ADAMTS12: variants seen among roughly 807,000 people sequenced by gnomAD.
ADAMTS12 encodes ADAM metallopeptidase with thrombospondin type 1 motif 12.
Under a neutral mutation model 167.8 loss-of-function variants are expected in ADAMTS12, and 118 were observed. That is an observed-to-expected ratio of 0.70 (90% confidence interval 0.61 to 0.82). The LOEUF (loss-of-function observed/expected upper bound fraction) is 0.82. ADAMTS12 is among the 40% of genes least tolerant of loss of function. The probability of loss-of-function intolerance (pLI) is 0.00; values close to 1 mark genes in which losing one functional copy is unlikely to be tolerated. For missense variants in ADAMTS12, 1,916 were observed against 1,998.8 expected, an observed-to-expected ratio of 0.96 and a Z score of 0.79; for synonymous variants, 704 against 716.9, an observed-to-expected ratio of 0.98 and a Z score of 0.29.
chr5:33,746,980 C>T (rs1406403086), intron 3 of ADAMTS12, among the ~76,000 whole-genome samples: 1 of 152,144 alleles, frequency 6.6e-6, no homozygotes, highest in Non-Finnish European at 1.5e-5. Context: ...TAGCCAGCCC[C>T]CACTACTGCA....
intron 1 of ADAMTS12, among the ~76,000 whole-genome samples, chr5:33,890,904 T>C (rs112059135): frequency 0.019 from 2,934 of 152,196 alleles, 47 homozygotes; most frequent in African/African-American, 0.043. Flanking sequence ...CTATTGCCAG[T>C]GATCGGATGG....
chr5:33,577,129 A>G lies in ADAMTS12; in HGVS notation c.2897T>C (p.Ile966Thr). 6.2e-7 allele frequency: 1 copy of G among 1,614,204 alleles called. No individual in the cohort carries two copies. The highest frequency in any genetic ancestry group is 1.1e-5 in the South Asian group (1 of 91,082). The change falls in exon 19 of 24, where the codon ATT (isoleucine) becomes ACT (threonine). Residue 966 changes from isoleucine (I) to threonine (T), a missense_variant. Physicochemically the swap from Ile to Thr is moderately conservative, Grantham distance 89 (BLOSUM62 -1). Transcript: ENST00000504830. ...CSVSCGGGVR[I>T]RSVTCAKNHD... is the part of the protein sequence containing the mutation. ...GTTCTTGGCACATGTGACACTGCGA[A>G]TCCGCACTCCACCACCACAGGAAAC...
chr5:33,832,992 C>T (rs748775905), intron 2 of ADAMTS12, among the ~76,000 whole-genome samples: 1 of 152,060 alleles, frequency 6.6e-6, no homozygotes, highest in African/African-American at 2.4e-5. Flanking sequence ...ACATAGATTC[C>T]AGGGAAGCTT....
At chr5:33,819,793 AC>A (rs1187878910) in intron 2 of ADAMTS12, among the ~76,000 whole-genome samples, 1 of 152,128 alleles carries the variant, frequency 6.6e-6, no homozygotes, top group African/African-American at 2.4e-5. Context: ...TGGACTTCCT[AC>A]CTCAACCTAG....
Position 33,560,908 on chromosome 5 carries a change from TTTAA to T in ADAMTS12, c.4125+115_4125+118del, listed in dbSNP as rs1299516810. 1.1e-5 allele frequency: 15 copies of T among 1,317,056 alleles called. 1 individual carries two copies. The East Asian group carries it at 1.7e-4, about 15-fold the overall frequency. The allele number at this position is 1,317,056 out of a possible 1,614,324, so 81.6% of individuals were successfully genotyped here. The stretch of plus-strand genomic sequence containing the variant: ...ACGTTGTGCACATGTACCCTAGAAC[TTTAA>T]TTAAGAAAAAGAAAAAAAAAAAAAA... On this transcript the variant is annotated intron_variant, in intron 20 of 23. Transcript: ENST00000504830.
chr5:33,654,878 G>T (rs576601552), intron 7 of ADAMTS12, among the ~76,000 whole-genome samples: 2 of 144,656 alleles, frequency 1.4e-5, no homozygotes, highest in Admixed American at 1.3e-4. Context: ...GTGATTTTGT[G>T]TGTGTGTGTG....
chr5:33,676,993 A>G (rs1477156670), intron 5 of ADAMTS12, among the ~76,000 whole-genome samples: 1 of 152,122 alleles, frequency 6.6e-6, no homozygotes, highest in Non-Finnish European at 1.5e-5. Context: ...CACCAATGCC[A>G]TTAGGCTCCT....
intron 3 of ADAMTS12, among the ~76,000 whole-genome samples, chr5:33,707,216 A>C (rs770745986): frequency 2.6e-5 from 4 of 152,204 alleles, no homozygotes; most frequent in Admixed American, 6.5e-5. Flanking sequence ...CTACAAAGAA[A>C]ATAAAATACC....
Position 33,549,343 on chromosome 5 carries a change from A to G in ADAMTS12, c.4166T>C (p.Ile1389Thr). ...GTGGTCCCGGCTGTCCACGCACTGA[A>G]TCTCGCGTATCTTGAAGCCCCCACT... ...NCSGGFKIRE[I>T]QCVDSRDHRN... The change falls in exon 21 of 24, where the codon ATT (isoleucine) becomes ACT (threonine). Residue 1389 changes from isoleucine to threonine, a missense_variant. Ile to Thr is a moderately conservative substitution (Grantham distance 89). Transcript: ENST00000504830. 6.2e-7 allele frequency: 1 copy of G among 1,614,036 alleles called. No homozygotes were observed. Among genetic ancestry groups the G allele is most frequent in the Non-Finnish European group, 8.5e-7 (1 of 1,179,948 alleles).
At chr5:33,734,873 TA>T (rs1744316920) in intron 3 of ADAMTS12, among the ~76,000 whole-genome samples, 1 of 152,180 alleles carries the variant, frequency 6.6e-6, no homozygotes, top group Admixed American at 6.5e-5. Flanking sequence ...ACAGGGTCTG[TA>T]ACTCTTTGGC....
chr5:33,671,666 T>C (rs1741695304), intron 5 of ADAMTS12, among the ~76,000 whole-genome samples: 1 of 152,028 alleles, frequency 6.6e-6, no homozygotes, highest in African/African-American at 2.4e-5. Context: ...GTCTTTCAGA[T>C]GAGTTACAGT....
chr5:33,822,734 T>C (rs1313113160), intron 2 of ADAMTS12, among the ~76,000 whole-genome samples: 2 of 151,974 alleles, frequency 1.3e-5, no homozygotes, highest in Non-Finnish European at 2.9e-5. Context: ...TACTAAAAAA[T>C]TTAAATAAAA....
At position 33,876,559 on chromosome 5, in the gene ADAMTS12, C is replaced by G. The variant is rs140820625; in HGVS notation, c.489+4560G>C. ...AAATGGTGCTGGAACAATCAGACAT[C>G]CATAGGCAAACAACAAAGCAAGAAA... On this transcript the variant is annotated intron_variant, in intron 2 of 23. Transcript: ENST00000504830. 5.0e-3 allele frequency among the ~76,000 whole-genome samples: 757 copies of G among 152,030 alleles called. 7 individuals carry two copies. Among genetic ancestry groups the G allele is most frequent in the African/African-American group, 0.018 (736 of 41,442 alleles).
Position 33,658,296 on chromosome 5 carries a change from T to A in ADAMTS12, c.1078A>T (p.Thr360Ser). The A allele has an allele frequency of 1.2e-6, 2 of 1,613,680 alleles. No individual in the cohort carries two copies. The highest frequency in any genetic ancestry group is 1.7e-6 in the Non-Finnish European group (2 of 1,179,666). ...CCTGAAAGGTGAGACAGGCCCAGGG[T>A]CTCGCAGGGGCGATTGAAACCAGCA... ...ICAGFNRPCE[T>S]LGLSHLSGMC... is the part of the protein sequence containing the mutation. The change falls in exon 7 of 24, where the codon ACC becomes TCC. Residue 360 changes from threonine (T) to serine (S), a missense_variant. Coordinates refer to ENST00000504830, the MANE Select transcript of ADAMTS12 (RefSeq NM_030955.4).
rs74845949 is a variant in ADAMTS12 at position 33,575,821 on chromosome 5, A to G, written c.3972+233T>C. 8.7e-3 allele frequency among the ~76,000 whole-genome samples: 1,320 copies of G among 152,328 alleles called. 22 individuals carry two copies. Among genetic ancestry groups the G allele is most frequent in the African/African-American group, 0.03 (1,231 of 41,568 alleles). On this transcript the variant is annotated intron_variant, in intron 19 of 23. Coordinates refer to ENST00000504830, the MANE Select transcript of ADAMTS12 (RefSeq NM_030955.4). Reference sequence around the variant, plus strand: ...GTTGGGTCAGGTAGAATCAGATTAAAAGCTAGACAATATATCTATACAATT... The same window carrying G: ...GTTGGGTCAGGTAGAATCAGATTAAGAGCTAGACAATATATCTATACAATT...
At chr5:33,864,862 A>G (rs1329791941) in intron 2 of ADAMTS12, among the ~76,000 whole-genome samples, 1 of 152,152 alleles carries the variant, frequency 6.6e-6, no homozygotes, top group Non-Finnish European at 1.5e-5. Flanking sequence ...TAGGGAAGGG[A>G]TAGCATTAGG....
intron 2 of ADAMTS12, among the ~76,000 whole-genome samples, chr5:33,795,906 G>A (rs1746756992): frequency 6.6e-6 from 1 of 152,234 alleles, no homozygotes; most frequent in South Asian, 2.1e-4. Context: ...GCCCCACTCT[G>A]AAGAGTCCAT....
intron 9 of ADAMTS12, among the ~76,000 whole-genome samples, chr5:33,644,038 G>A (rs1740572074): frequency 6.6e-6 from 1 of 152,196 alleles, no homozygotes. Flanking sequence ...ATTCTCAGAT[G>A]CCATCTGAAA....
chr5:33,576,022 T>C (rs1746687616), intron 19 of ADAMTS12, 32 bp downstream of exon 19: 3 of 1,570,670 alleles, frequency 1.9e-6, no homozygotes, highest in African/African-American at 1.4e-5. Flanking sequence ...TTTTTCCATG[T>C]AAAACCAGGC....
Sources: gnomAD v4.1 joint callset for allele counts (sites outside exome capture counted in the v4.1 genomes callset) on GRCh38, gnomAD v4.1.1 for gene constraint, MANE v1.5 for transcripts, NCBI Gene and HGNC (gene_info 2026-07-23, HGNC 2026-07-21) for gene names.